Variants in ADAM12 observed in about 807,000 individuals in gnomAD.
The protein encoded by ADAM12 is disintegrin and metalloproteinase domain-containing protein 12.
In ADAM12, 70 loss-of-function variants were observed where a neutral mutation model predicts 106.4. That is an observed-to-expected ratio of 0.66 (90% CI 0.54 to 0.80). The LOEUF (loss-of-function observed/expected upper bound fraction) is 0.80. Among genes scored for constraint, ADAM12 ranks in the 30% least tolerant of loss-of-function variants. ADAM12 has a pLI of 0.00. For missense variants in ADAM12, 1,010 were observed against 1,171.9 expected, an observed-to-expected ratio of 0.86 and a Z score of 2.02; for synonymous variants, 420 against 433.5, an observed-to-expected ratio of 0.97 and a Z score of 0.39.
chr10:126,221,350 A>C (rs1254843059), intron 3 of ADAM12, among the ~76,000 whole-genome samples: 1 of 146,340 alleles, frequency 6.8e-6, no homozygotes, highest in Non-Finnish European at 1.5e-5. Context: ...AGATTGTGTC[A>C]CTGGACTCCA....
chr10:126,285,005 G>A (rs1291207743), intron 2 of ADAM12, among the ~76,000 whole-genome samples: 2 of 152,230 alleles, frequency 1.3e-5, no homozygotes, highest in Admixed American at 1.3e-4. Flanking sequence ...CAAGATTGGA[G>A]ACTGTGCAGG....
intron 4 of ADAM12, among the ~76,000 whole-genome samples, chr10:126,145,958 A>C (rs1325885320): frequency 6.6e-6 from 1 of 152,248 alleles, no homozygotes; most frequent in East Asian, 1.9e-4. Flanking sequence ...GAAGCTGCTG[A>C]TGATTTGGGA....
intron 3 of ADAM12, among the ~76,000 whole-genome samples, chr10:126,162,308 T>C (rs1189789152): frequency 6.6e-6 from 1 of 151,450 alleles, no homozygotes; most frequent in Non-Finnish European, 1.5e-5. Flanking sequence ...GAATGGGAAA[T>C]GGGGAGGAGA....
At chr10:126,307,244 T>C (rs923775768) in intron 2 of ADAM12, among the ~76,000 whole-genome samples, 1 of 152,234 alleles carries the variant, frequency 6.6e-6, no homozygotes, top group African/African-American at 2.4e-5. Flanking sequence ...ATTTTGTTTT[T>C]CGTTTTTGCT....
At chr10:126,211,877 A>T (rs1158957587) in intron 3 of ADAM12, among the ~76,000 whole-genome samples, 1 of 152,232 alleles carries the variant, frequency 6.6e-6, no homozygotes, top group Non-Finnish European at 1.5e-5. Context: ...GTGAGTCGAT[A>T]AACACCCTCT....
intron 11 of ADAM12, among the ~76,000 whole-genome samples, chr10:126,084,959 G>A (rs1168992919): frequency 6.6e-6 from 1 of 152,236 alleles, no homozygotes; most frequent in African/African-American, 2.4e-5. Flanking sequence ...TTTTAGGGCT[G>A]TGACAATGAA....
rs138470990 is a variant in ADAM12, at chr10:126,144,894, G to C, written c.340-9234C>G. 7.9e-4 allele frequency among the ~76,000 whole-genome samples: 120 copies of C among 152,266 alleles called. 1 individual carries two copies. The East Asian group carries it at 0.023, about 29-fold the overall frequency. On this transcript the variant is annotated intron_variant, in intron 4 of 22. Coordinates refer to ENST00000448723, the MANE Select transcript of ADAM12 (RefSeq NM_001288973.2). ...TGTTTCATCGTCACATCCCACAGCT[G>C]GTTAAGTGCTCGAGCTGGGATTCGA...
chr10:126,225,308 A>G (rs551700376), intron 3 of ADAM12, among the ~76,000 whole-genome samples: 2 of 152,262 alleles, frequency 1.3e-5, no homozygotes, highest in Non-Finnish European at 2.9e-5. Context: ...GAAAGGAGTT[A>G]TTAAAAAATA....
chr10:126,158,879 A>AGAGGATGCACAGAGCATGGTGGG (rs1488497621), intron 3 of ADAM12, among the ~76,000 whole-genome samples: 9 of 119,508 alleles, frequency 7.5e-5, no homozygotes, highest in East Asian at 2.8e-4. Context: ...GAGCATGGGG[A>AGAGGATGCACAGAGCATGGTGGG]GAGGATGCAC....
intron 1 of ADAM12, among the ~76,000 whole-genome samples, chr10:126,341,070 G>A (rs922722825): frequency 1.3e-5 from 2 of 151,866 alleles, no homozygotes; most frequent in South Asian, 2.1e-4. Context: ...TCAAACCTTC[G>A]CATGCCCCCA....
rs1389892534 is a variant in ADAM12 at position 126,108,667 on chromosome 10, T to G, written c.670-3A>C. On this transcript the variant is annotated splice_region_variant and splice_polypyrimidine_tract_variant and intron_variant, in intron 7 of 22. Transcript: ENST00000448723. ...AGATCTTTTCCTTGCCTCTGAAACTTAACAATTTTAAATGGCAGCATTAAT... is the reference window on the plus strand; with the variant it reads ...AGATCTTTTCCTTGCCTCTGAAACTGAACAATTTTAAATGGCAGCATTAAT... The G allele has an allele frequency of 6.2e-7, 1 of 1,612,186 alleles. No individual in the cohort carries two copies. Among genetic ancestry groups the G allele is most frequent in the Admixed American group, 1.7e-5 (1 of 60,018 alleles).
chr10:126,326,191 A>G (rs1194378597), intron 2 of ADAM12, among the ~76,000 whole-genome samples: 1 of 149,132 alleles, frequency 6.7e-6, no homozygotes, highest in Non-Finnish European at 1.5e-5. Context: ...GCTCACTAAA[A>G]TCACCGGGGA....
chr10:126,306,014 A>T (rs1960829752), intron 2 of ADAM12, among the ~76,000 whole-genome samples: 1 of 151,978 alleles, frequency 6.6e-6, no homozygotes. Flanking sequence ...TATCTCTTGT[A>T]AATCATATAC....
At chr10:126,293,503 G>A (rs1024466325) in intron 2 of ADAM12, among the ~76,000 whole-genome samples, 5 of 152,114 alleles carry the variant, frequency 3.3e-5, no homozygotes, top group Admixed American at 3.3e-4. Flanking sequence ...AAGTGAATGA[G>A]CACCCCATTT....
At chr10:126,331,344 C>T (rs1159929427) in intron 1 of ADAM12, among the ~76,000 whole-genome samples, 1 of 152,110 alleles carries the variant, frequency 6.6e-6, no homozygotes, top group Non-Finnish European at 1.5e-5. Context: ...ATGTTATTCC[C>T]ATTTCTTCAA....
chr10:126,040,747 A>G (rs1163221700), intron 18 of ADAM12, among the ~76,000 whole-genome samples: 1 of 152,234 alleles, frequency 6.6e-6, no homozygotes, highest in Non-Finnish European at 1.5e-5. Flanking sequence ...ATCTTGAACT[A>G]TAATTTCTAG....
chr10:126,115,827 G>C (rs796489611), intron 6 of ADAM12, among the ~76,000 whole-genome samples: 1 of 152,178 alleles, frequency 6.6e-6, no homozygotes, highest in South Asian at 2.1e-4. Context: ...TTTACCGTAG[G>C]TGCTAACCAA....
intron 1 of ADAM12, among the ~76,000 whole-genome samples, chr10:126,385,649 G>A (rs1331836518): frequency 2.0e-5 from 3 of 152,046 alleles, no homozygotes; most frequent in East Asian, 3.9e-4. Context: ...TCTTCTTAGT[G>A]CAAACATTGA....
chr10:126,021,179 C>A (rs1486353004), intron 21 of ADAM12, among the ~76,000 whole-genome samples: 1 of 152,094 alleles, frequency 6.6e-6, no homozygotes, highest in Non-Finnish European at 1.5e-5. Flanking sequence ...CCCGGAAACA[C>A]TCATGAATGC....
Sources: allele counts gnomAD v4.1 joint callset (sites outside exome capture counted in the v4.1 genomes callset), GRCh38; gene constraint gnomAD v4.1.1; transcripts MANE v1.5; gene names NCBI Gene and HGNC (gene_info 2026-07-23, HGNC 2026-07-21).